The following CDCA3 variants were observed in gnomAD, a reference collection of about 807,000 sequenced individuals.
The protein encoded by CDCA3 is cell division cycle-associated protein 3.
Under a neutral mutation model 29.1 loss-of-function variants are expected in CDCA3, and 16 were observed. The ratio of observed to expected loss-of-function variants is 0.55; its 90% CI spans 0.37 to 0.83. The LOEUF is 0.83. Ranked by LOEUF, CDCA3 falls within the 40% of genes least tolerant of loss-of-function variation. The probability of loss-of-function intolerance (pLI) is 0.00; values close to 1 mark genes in which losing one functional copy is unlikely to be tolerated. For synonymous variants in CDCA3, 88 were observed against 124.5 expected (o/e 0.71, Z 1.95); for missense variants, 291 against 327.2 (o/e 0.89, Z 0.85).
chr12:6,851,265 A>G lies in CDCA3; in HGVS notation c.-101T>C, dbSNP rs1943879739. The stretch of plus-strand genomic sequence containing the variant: ...CTGGATGCACAACAGCTCGTGGCTC[A>G]ACTCCCGAAGTTACCAGTTTCAAAC... On this transcript the variant is annotated 5_prime_UTR_variant, in exon 1 of 6. Coordinates refer to ENST00000538862, the MANE Select transcript of CDCA3 (RefSeq NM_031299.7). 2.6e-6 allele frequency: 3 copies of G among 1,140,560 alleles called. No individual in the cohort carries two copies. The highest frequency in any genetic ancestry group is 3.2e-6 in the Non-Finnish European group (3 of 925,152). The allele number at this position is 1,140,560 out of a possible 1,614,324, so 70.7% of individuals were successfully genotyped here.
downstream of CDCA3, chr12:6,845,590 T>G (rs782705171): frequency 6.2e-7 from 1 of 1,608,458 alleles, no homozygotes; most frequent in Non-Finnish European, 8.5e-7. Context: ...CCTCAGTTCT[T>G]CCCCAATGGA....
At chr12:6,846,724 C>T, downstream of CDCA3, 2 of 834,810 alleles carry the variant, frequency 2.4e-6, no homozygotes, top group Non-Finnish European at 4.0e-6. Context: ...CATACACTTA[C>T]ACGCATGCAC....
In CDCA3 at chr12:6,851,243, G is replaced by A; in HGVS notation, c.-79C>T. 8.4e-7 allele frequency: 1 copy of A among 1,190,442 alleles called. No homozygotes were observed. The highest frequency in any genetic ancestry group is 2.4e-5 in the South Asian group (1 of 41,844). 73.7% of individuals were successfully genotyped at this position (1,190,442 alleles called of 1,614,324 possible). A position where few individuals can be genotyped will look rare whatever the true frequency, so the allele number is the denominator to read the frequency against. On this transcript the variant is annotated 5_prime_UTR_variant, in exon 1 of 6. Coordinates refer to ENST00000538862, the MANE Select transcript of CDCA3 (RefSeq NM_031299.7). ...TTACCGGGCCCCAATTCCACCTCTG[G>A]ATGCACAACAGCTCGTGGCTCAACT...
Position 6,849,949 on chromosome 12 carries a change from G to T in CDCA3, c.251-91C>A. 2 of 1,186,012 alleles carry T rather than the reference G, an allele frequency of 1.7e-6. No homozygotes were observed. The highest frequency in any genetic ancestry group is 2.3e-6 in the Non-Finnish European group (2 of 869,912). 73.5% of individuals were successfully genotyped at this position (1,186,012 alleles called of 1,614,324 possible). A position where few individuals can be genotyped will look rare whatever the true frequency, so the allele number is the denominator to read the frequency against. ...TACAGAAACCCAGGACTCATGCCCA[G>T]GAGGGTGAGCAAGTGGGAAGAGAGA... On this transcript the variant is annotated intron_variant, in intron 3 of 5. Transcript: ENST00000538862. This position sits in a 1 kb window ranked among gnomAD's most constrained non-coding sequence, Gnocchi z 5.2.
At chr12:6,845,271 T>C, downstream of CDCA3, 2 of 347,938 alleles carry the variant, frequency 5.7e-6, no homozygotes, top group Non-Finnish European at 1.1e-5. Flanking sequence ...TTGTGTAGTC[T>C]GGGAGTCTGG....
rs1943786205 is a variant in CDCA3 at position 6,849,511 on chromosome 12, T to C, written c.544+54A>G. 6.4e-7 allele frequency: 1 copy of C among 1,566,700 alleles called. No individual in the cohort carries two copies. The highest frequency in any genetic ancestry group is 8.7e-7 in the Non-Finnish European group (1 of 1,154,246). ...CTCCCACACTCACCCATGGACCTTA[T>C]CCCAAAACATTATCCTAGTTTATCT... On this transcript the variant is annotated intron_variant, in intron 4 of 5. Transcript: ENST00000538862. The surrounding 1 kb of genome is among the most constrained non-coding windows in gnomAD (Gnocchi z 5.2).
At chr12:6,846,638 C>A, downstream of CDCA3, 1 of 606,366 alleles carries the variant, frequency 1.6e-6, no homozygotes, top group Non-Finnish European at 3.0e-6. Flanking sequence ...CACACGTACA[C>A]ACACCCACAC....
chr12:6,847,213 C>T, downstream of CDCA3: 1 of 347,094 alleles, frequency 2.9e-6, no homozygotes, highest in Non-Finnish European at 5.4e-6. Context: ...GGCCCCAGGC[C>T]CTAGGATTCC....
chr12:6,845,359 C>A (rs1160517222), downstream of CDCA3: 2 of 521,598 alleles, frequency 3.8e-6, no homozygotes, highest in South Asian at 2.7e-5. Context: ...GGAAATGATG[C>A]CTGCCTGCAG....
chr12:6,845,747 T>C (rs1291975852), downstream of CDCA3: 9 of 1,614,016 alleles, frequency 5.6e-6, no homozygotes, highest in Non-Finnish European at 7.6e-6. Flanking sequence ...TACTATTCGC[T>C]GGCTACGACG....
downstream of CDCA3, chr12:6,846,185 C>A: frequency 4.3e-6 from 1 of 232,204 alleles, no homozygotes. Flanking sequence ...GCCCTGACTG[C>A]AGCCTAGGGC....
chr12:6,850,962 G>A lies in CDCA3; in HGVS notation c.-10C>T. ...TCTTGGCTGAGCCCATCTCAACCAG[G>A]AGTTGCAGGGTGGGGGCAAGGGCCA... On this transcript the variant is annotated 5_prime_UTR_variant, in exon 2 of 6. Transcript: ENST00000538862. This position sits in a 1 kb window ranked among gnomAD's most constrained non-coding sequence, Gnocchi z 4.7. 1 of 1,606,042 alleles carries A rather than the reference G, an allele frequency of 6.2e-7. No individual in the cohort carries two copies.
Position 6,850,861 on chromosome 12 carries a change from C to G in CDCA3, c.92G>C (p.Ser31Thr), listed in dbSNP as rs782034838. 1.2e-6 allele frequency: 2 copies of G among 1,613,982 alleles called. No homozygotes were observed. The highest frequency in any genetic ancestry group is 3.3e-5 in the Admixed American group (2 of 60,024). The part of the protein sequence containing the change: ...LARVADPRSP[S>T]AGILRTPIQV... ...GATGGGAGTGCGCAGGATGCCAGCACTAGGTGAACGGGGGTCCGCCACTCG... is the reference window on the plus strand; with the variant it reads ...GATGGGAGTGCGCAGGATGCCAGCAGTAGGTGAACGGGGGTCCGCCACTCG... Residue 31 changes from serine to threonine, a missense_variant, in exon 2 of 6, where the codon AGT becomes ACT. Ser to Thr is a moderately conservative substitution (Grantham distance 58, BLOSUM62 1). Transcript: ENST00000538862. This position sits in a 1 kb window ranked among gnomAD's most constrained non-coding sequence, Gnocchi z 4.7.
downstream of CDCA3, chr12:6,845,639 C>G (rs782075603): frequency 6.2e-7 from 1 of 1,613,862 alleles, no homozygotes; most frequent in Non-Finnish European, 8.5e-7. Flanking sequence ...CTTCCTGCCG[C>G]TTGTTTGACC....
rs1322457268 is a variant in CDCA3, at chr12:6,850,532, T to C, written c.185A>G (p.Gln62Arg). 6.8e-6 allele frequency: 11 copies of C among 1,614,022 alleles called. No individual in the cohort carries two copies. Among genetic ancestry groups the C allele is most frequent in the African/African-American group, 4.0e-5 (3 of 74,898 alleles). ...AGTAGGAGAGCGGGGATCTGAGTCC[T>C]GGGCATGTTTAAGACCCTCCAGTTG... Reference protein sequence around the residue: ...GEQLEGLKHAQDSDPRSPTLG... With the variant: ...GEQLEGLKHARDSDPRSPTLG... The change falls in exon 3 of 6, where the codon CAG becomes CGG. Residue 62 changes from glutamine (Q) to arginine (R), a missense_variant. Gln to Arg is a conservative substitution (Grantham distance 43). Transcript: ENST00000538862. The surrounding 1 kb of genome is among the most constrained non-coding windows in gnomAD (Gnocchi z 4.7).
downstream of CDCA3, chr12:6,846,675 CCACACACCCACATACACA>C: frequency 4.8e-6 from 3 of 630,706 alleles, no homozygotes; most frequent in South Asian, 5.3e-5. Context: ...ACATATCCCC[CCACACACCCACATACACA>C]CACACACCCA....
Position 6,850,094 on chromosome 12 carries a change from G to T in CDCA3, c.251-236C>A. 1 of 513,030 alleles carries T rather than the reference G, an allele frequency of 1.9e-6. No homozygotes were observed. The highest frequency in any genetic ancestry group is 3.4e-6 in the Non-Finnish European group (1 of 291,896). 31.8% of individuals were successfully genotyped at this position (513,030 alleles called of 1,614,324 possible). A position where few individuals can be genotyped will look rare whatever the true frequency, so the allele number is the denominator to read the frequency against. The stretch of plus-strand genomic sequence containing the variant: ...AGTTCACTGCAGCCTTGACCTTGTG[G>T]GCTCAAGCAATCCTCCCACTTCAGC... On this transcript the variant is annotated intron_variant, in intron 3 of 5. Coordinates refer to ENST00000538862, the MANE Select transcript of CDCA3 (RefSeq NM_031299.7). This position sits in a 1 kb window ranked among gnomAD's most constrained non-coding sequence, Gnocchi z 4.7.
chr12:6,845,414 G>T, downstream of CDCA3: 1 of 607,370 alleles, frequency 1.6e-6, no homozygotes, highest in Non-Finnish European at 3.0e-6. Flanking sequence ...GAAGTCACTG[G>T]CACGTGGTAT....
chr12:6,845,222 G>A (rs1555124340), downstream of CDCA3: 1 of 237,206 alleles, frequency 4.2e-6, no homozygotes. Flanking sequence ...CCTTGCATTT[G>A]TACTGGACCC....
Sources: gnomAD v4.1 joint callset for allele counts on GRCh38, gnomAD v4.1.1 for gene constraint, Gnocchi (gnomAD v3.1) non-coding constraint, MANE v1.5 for transcripts, NCBI Gene and HGNC (gene_info 2026-07-23, HGNC 2026-07-21) for gene names.